Variants in ZBTB7B observed in about 807,000 individuals in gnomAD.
The protein encoded by ZBTB7B is zinc finger and BTB domain-containing protein 7B.
ZBTB7B carries 8 observed loss-of-function variants against 31.0 expected under a neutral mutation model. That is an observed-to-expected ratio of 0.26 (90% CI 0.15 to 0.47). The LOEUF (loss-of-function observed/expected upper bound fraction) is 0.47, where lower values mean the gene tolerates loss of function less well. Among genes scored for constraint, ZBTB7B ranks in the 20% least tolerant of loss-of-function variants. The pLI is 0.99. For synonymous variants in ZBTB7B, 261 were observed against 307.3 expected (o/e 0.85, Z 1.58); for missense variants, 494 against 742.4 (o/e 0.67, Z 3.89).
chr1:155,015,590 C>T lies in ZBTB7B; in HGVS notation c.930C>T (p.Ile310=), dbSNP rs767033789. The T allele has an allele frequency of 3.4e-5, 55 of 1,613,516 alleles. 1 individual carries two copies. The highest frequency in any genetic ancestry group is 1.1e-4 in the East Asian group (5 of 44,874). ...AGCTGGGCTCAGATGAGGATGCCATCGATCCTGACCTGATGGCCTACCTAA... is the reference window on the plus strand; with the variant it reads ...AGCTGGGCTCAGATGAGGATGCCATTGATCCTGACCTGATGGCCTACCTAA... The part of the protein sequence containing the change: ...PEELGSDEDA[I]DPDLMAYLSS... The change falls in exon 2 of 3, where the codon ATC becomes ATT. Residue 310 remains isoleucine, a synonymous_variant. Transcript: ENST00000535420.
At chr1:155,001,763 G>C (rs966913817), upstream of ZBTB7B, among the ~76,000 whole-genome samples, 1 of 151,506 alleles carries the variant, frequency 6.6e-6, no homozygotes, top group Non-Finnish European at 1.5e-5. This position sits in a 1 kb window ranked among gnomAD's most constrained non-coding sequence, Gnocchi z 4.8. Flanking sequence ...GAGGCTGCTT[G>C]CCTGGGGCGC....
At chr1:155,005,062 T>G (rs765690207) in intron 1 of ZBTB7B, among the ~76,000 whole-genome samples, 6 of 151,552 alleles carry the variant, frequency 4.0e-5, no homozygotes, top group Non-Finnish European at 7.4e-5. Context: ...TGGTGCCCCC[T>G]GGCACCCAGG....
Position 155,003,145 on chromosome 1 carries a change from C to T in ZBTB7B, c.-7+202C>T, listed in dbSNP as rs1410738126. Among the ~76,000 whole-genome samples, 1 of 152,212 alleles carries T rather than the reference C, an allele frequency of 6.6e-6. No individual in the cohort carries two copies. Among genetic ancestry groups the T allele is most frequent in the East Asian group, 1.9e-4 (1 of 5,196 alleles). ...ACTGAGATGAAAGACAGAGAAGGAA[C>T]TGCGGATGCCCCCCAACCCTAGGCG... On this transcript the variant is annotated intron_variant, in intron 1 of 2. Transcript: ENST00000535420. The surrounding 1 kb of genome is among the most constrained non-coding windows in gnomAD (Gnocchi z 5.8).
Position 155,016,121 on chromosome 1 carries a change from T to A in ZBTB7B, c.1155-99T>A. Reference sequence around the variant, plus strand: ...GGGGCAATAGTGGGGTAACAAATGGTGAGGAACAGGGATGGGACAAGGCCA... The same window carrying A: ...GGGGCAATAGTGGGGTAACAAATGGAGAGGAACAGGGATGGGACAAGGCCA... On this transcript the variant is annotated intron_variant, in intron 2 of 2. Transcript: ENST00000535420. This position sits in a 1 kb window ranked among gnomAD's most constrained non-coding sequence, Gnocchi z 4.3. 7.6e-7 allele frequency: 1 copy of A among 1,309,072 alleles called. No individual in the cohort carries two copies. The highest frequency in any genetic ancestry group is 1.1e-6 in the Non-Finnish European group (1 of 940,966). 81.1% of individuals were successfully genotyped at this position (1,309,072 alleles called of 1,614,324 possible).
At chr1:155,011,180 G>A (rs1218988588) in intron 1 of ZBTB7B, among the ~76,000 whole-genome samples, 2 of 152,248 alleles carry the variant, frequency 1.3e-5, no homozygotes, top group Non-Finnish European at 2.9e-5. Context: ...TTACTCAGCT[G>A]CCCTGTTCAG....
At chr1:155,011,914 A>G (rs1193478937) in intron 1 of ZBTB7B, among the ~76,000 whole-genome samples, 4 of 151,540 alleles carry the variant, frequency 2.6e-5, no homozygotes, top group African/African-American at 9.7e-5. Context: ...GGTTGGCACC[A>G]CCATAGCTCC....
intron 1 of ZBTB7B, among the ~76,000 whole-genome samples, chr1:155,011,430 A>G (rs966079477): frequency 2.6e-5 from 4 of 152,132 alleles, no homozygotes; most frequent in Non-Finnish European, 5.9e-5. Context: ...CCCCCTCCCA[A>G]CTTTCTCACC....
chr1:155,018,366 A>G lies in ZBTB7B; in HGVS notation c.*1681A>G, dbSNP rs575823382. On this transcript the variant is annotated 3_prime_UTR_variant, in exon 3 of 3. Coordinates refer to ENST00000535420, the MANE Select transcript of ZBTB7B (RefSeq NM_001256455.2). ...GGAGACCTGGGGCCCAGCCCCAGAAAGTGGGGACAATGTGGCCTCCCTTCT... is the reference window on the plus strand; with the variant it reads ...GGAGACCTGGGGCCCAGCCCCAGAAGGTGGGGACAATGTGGCCTCCCTTCT... 2.0e-5 allele frequency: 13 copies of G among 643,838 alleles called. No homozygotes were observed. The highest frequency in any genetic ancestry group is 1.0e-4 in the South Asian group (5 of 50,138). 39.9% of individuals were successfully genotyped at this position (643,838 alleles called of 1,614,324 possible).
chr1:155,009,331 G>A (rs1267411140), intron 1 of ZBTB7B, among the ~76,000 whole-genome samples: 1 of 151,896 alleles, frequency 6.6e-6, no homozygotes, highest in Admixed American at 6.5e-5. Context: ...CGGCTTGGCG[G>A]GTGTGGGGTT....
chr1:155,016,449 C>G lies in ZBTB7B; in HGVS notation c.1384C>G (p.Arg462Gly), dbSNP rs144528564. Residue 462 changes from arginine to glycine, a missense_variant, in exon 3 of 3, where the codon CGC (arginine) becomes GGC (glycine). Physicochemically the swap from Arg to Gly is moderately radical, Grantham distance 125. Transcript: ENST00000535420. This position sits in a 1 kb window ranked among gnomAD's most constrained non-coding sequence, Gnocchi z 4.3. ...QNCLEVRTRRRRKDDAPPHYP... is the reference protein window; with the variant it reads ...QNCLEVRTRRGRKDDAPPHYP... The stretch of plus-strand genomic sequence containing the variant: ...CTGCCTGGAGGTGCGCACCCGACGG[C>G]GCCGCAAGGACGATGCACCACCCCA... The G allele has an allele frequency of 1.7e-5, 27 of 1,613,922 alleles. No homozygotes were observed. The African/African-American group carries it at 3.2e-4, about 19-fold the overall frequency.
At chr1:155,007,319 T>C (rs1270179089) in intron 1 of ZBTB7B, among the ~76,000 whole-genome samples, 1 of 152,144 alleles carries the variant, frequency 6.6e-6, no homozygotes, top group African/African-American at 2.4e-5. Context: ...CCCCCTGCCC[T>C]CTAGGCTGGT....
rs1485916523 is a variant in ZBTB7B, at chr1:155,004,043, T to C, written c.-7+1100T>C. ...CACGTATCAAAGGGCGGCTGAGACATGGTGAGACCTCGGGGCGCCCTGGGG... is the reference window on the plus strand; with the variant it reads ...CACGTATCAAAGGGCGGCTGAGACACGGTGAGACCTCGGGGCGCCCTGGGG... On this transcript the variant is annotated intron_variant, in intron 1 of 2. Transcript: ENST00000535420. The surrounding 1 kb of genome is among the most constrained non-coding windows in gnomAD (Gnocchi z 4.0). 1.3e-5 allele frequency among the ~76,000 whole-genome samples: 2 copies of C among 151,866 alleles called. No individual in the cohort carries two copies. The highest frequency in any genetic ancestry group is 2.9e-5 in the Non-Finnish European group (2 of 67,912).
Position 155,015,119 on chromosome 1 carries a change from GGAT to G in ZBTB7B, c.462_464del (p.Asp155del). 6.2e-7 allele frequency: 1 copy of G among 1,613,522 alleles called. No homozygotes were observed. The highest frequency in any genetic ancestry group is 8.5e-7 in the Non-Finnish European group (1 of 1,180,010). ...GGCTAGAAGCTCCCAGCCCGGACGAGGATGACTGTGAGCGAGCCCGCCAGTATC... is the reference window on the plus strand; with the variant it reads ...GGCTAGAAGCTCCCAGCCCGGACGAGGACTGTGAGCGAGCCCGCCAGTATC... On this transcript the variant is annotated inframe_deletion, in exon 2 of 3. Coordinates refer to ENST00000535420, the MANE Select transcript of ZBTB7B (RefSeq NM_001256455.2).
chr1:155,010,885 G>A, intron 1 of ZBTB7B: 1 of 1,526,598 alleles, frequency 6.6e-7, no homozygotes, highest in Non-Finnish European at 8.8e-7. Context: ...GCGTTGGGAA[G>A]AGCCTCAGGT....
chr1:155,018,276 G>A lies in ZBTB7B; in HGVS notation c.*1591G>A, dbSNP rs957785105. On this transcript the variant is annotated 3_prime_UTR_variant, in exon 3 of 3. Transcript: ENST00000535420. ...TGATGATGTAATATATTGGGGTGGC[G>A]GGGAGATCGGGTTGTCCTGGGCCTC... The A allele has an allele frequency of 9.9e-6, 5 of 503,422 alleles. No homozygotes were observed. The highest frequency in any genetic ancestry group is 1.4e-5 in the Non-Finnish European group (4 of 279,790). The allele number at this position is 503,422 out of a possible 1,614,324, so 31.2% of individuals were successfully genotyped here. A position where few individuals can be genotyped will look rare whatever the true frequency, so the allele number is the denominator to read the frequency against.
chr1:155,014,432 A>C (rs2102307477), intron 1 of ZBTB7B: 1 of 583,992 alleles, frequency 1.7e-6, no homozygotes, highest in East Asian at 2.9e-5. Context: ...TTCTGCACTT[A>C]ACTTGGAAAA....
chr1:155,010,813 G>A, intron 1 of ZBTB7B: 3 of 923,592 alleles, frequency 3.2e-6, no homozygotes, highest in Non-Finnish European at 5.0e-6. Flanking sequence ...GTTGGGGTGG[G>A]GGGGTGGAGG....
Position 155,015,347 on chromosome 1 carries a change from T to A in ZBTB7B, c.687T>A (p.His229Gln), listed in dbSNP as rs1051628328. The A allele has an allele frequency of 6.3e-7, 1 of 1,587,668 alleles. No homozygotes were observed. Among genetic ancestry groups the A allele is most frequent in the Non-Finnish European group, 8.6e-7 (1 of 1,163,644 alleles). The change falls in exon 2 of 3, where the codon CAT (histidine) becomes CAA (glutamine). Residue 229 changes from histidine to glutamine, a missense_variant. Around this residue, in one of 5 missense-constraint regions of ZBTB7B, gnomAD observed 216 missense variants for 229.3 expected, o/e 0.94. Transcript: ENST00000535420. The stretch of plus-strand genomic sequence containing the variant: ...CTGAGGTGCCCACAGTGCCCGCCCA[T>A]CCCTTGACCTATGAGGAGGAGGAGG... ...LVPEVPTVPA[H>Q]PLTYEEEEVA...
In ZBTB7B at chr1:155,015,335, A is replaced by G. The variant is rs1233482199; in HGVS notation, c.675A>G (p.Thr225=). ...RANHLVPEVP[T]VPAHPLTYEE... is the part of the protein sequence containing the mutation. ...ACCACCTAGTCCCTGAGGTGCCCAC[A>G]GTGCCCGCCCATCCCTTGACCTATG... The change falls in exon 2 of 3, where the codon ACA becomes ACG. Residue 225 remains threonine (T), a synonymous_variant. Transcript: ENST00000535420. The G allele has an allele frequency of 6.3e-7, 1 of 1,597,202 alleles. No individual in the cohort carries two copies.
Sources: allele counts gnomAD v4.1 joint callset (sites outside exome capture counted in the v4.1 genomes callset), GRCh38; gene constraint gnomAD v4.1.1; regional missense constraint gnomAD v4.1.1; non-coding constraint Gnocchi (gnomAD v3.1); transcripts MANE v1.5; gene names NCBI Gene and HGNC (gene_info 2026-07-23, HGNC 2026-07-21).